Variants in HDAC9 observed in about 807,000 individuals in gnomAD.
HDAC9 encodes histone deacetylase 9.
Under a neutral mutation model 139.4 loss-of-function variants are expected in HDAC9, and 41 were observed. The observed-to-expected ratio is 0.29, with a 90% CI of 0.23 to 0.38. The LOEUF (loss-of-function observed/expected upper bound fraction) is 0.38. Ranked by LOEUF, HDAC9 falls within the 10% of genes least tolerant of loss-of-function variation. The pLI, the probability that HDAC9 is intolerant of heterozygous loss-of-function variation, is 1.00. For synonymous variants in HDAC9, 517 were observed against 476.2 expected (o/e 1.09, Z -1.12); for missense variants, 1,147 against 1,297.0 (o/e 0.88, Z 1.78).
chr7:18,452,432 T>G (rs1052981684), intron 1 of HDAC9, among the ~76,000 whole-genome samples: 3 of 152,156 alleles, frequency 2.0e-5, no homozygotes, highest in African/African-American at 7.2e-5. Context: ...ACCTGGAGTG[T>G]GGGCTTGATT....
chr7:18,397,048 A>T (rs1426709010), intron 1 of HDAC9, among the ~76,000 whole-genome samples: 1 of 151,796 alleles, frequency 6.6e-6, no homozygotes, highest in Non-Finnish European at 1.5e-5. Flanking sequence ...ATCATCGTCG[A>T]CTCCTATCTT....
In HDAC9 at chr7:18,566,561, A is replaced by G. The variant is rs1385151346; in HGVS notation, c.23-18720A>G. On this transcript the variant is annotated intron_variant, in intron 2 of 25. Coordinates refer to ENST00000686413, the MANE Select transcript of HDAC9 (RefSeq NM_178425.4). Reference sequence around the variant, plus strand: ...GTGGGGAGGGAATAGCTTTGGCAGTAGAGGAAGCCTTGGGAATCACTGTTT... The same window carrying G: ...GTGGGGAGGGAATAGCTTTGGCAGTGGAGGAAGCCTTGGGAATCACTGTTT... 2.0e-5 allele frequency among the ~76,000 whole-genome samples: 3 copies of G among 152,334 alleles called. No homozygotes were observed. The East Asian group carries it at 5.8e-4, about 29-fold the overall frequency.
intron 1 of HDAC9, among the ~76,000 whole-genome samples, chr7:18,332,501 C>G (rs1422826238): frequency 1.3e-5 from 2 of 151,216 alleles, no homozygotes; most frequent in African/African-American, 4.9e-5. Flanking sequence ...ATTAAAAATA[C>G]TTAAAATTGA....
At chr7:18,372,385 G>T (rs1051096630) in intron 1 of HDAC9, among the ~76,000 whole-genome samples, 1 of 152,192 alleles carries the variant, frequency 6.6e-6, no homozygotes, top group Non-Finnish European at 1.5e-5. Flanking sequence ...TCCAAACCAG[G>T]ACAGGCATGG....
intron 2 of HDAC9, among the ~76,000 whole-genome samples, chr7:18,568,821 G>A (rs1004145335): frequency 1.3e-5 from 2 of 152,248 alleles, no homozygotes. Flanking sequence ...GCCGAGGCGG[G>A]TGGATCACCT....
At chr7:18,429,335 CTTTT>C (rs892232763) in intron 1 of HDAC9, 3 of 152,150 alleles carry the variant, frequency 2.0e-5, no homozygotes, top group African/African-American at 7.2e-5. Context: ...CATGTTCTTT[CTTTT>C]ATCTTACCCT....
chr7:18,289,777 G>A (rs1562840039), upstream of HDAC9, among the ~76,000 whole-genome samples: 5 of 151,944 alleles, frequency 3.3e-5, 1 homozygote, highest in South Asian at 8.3e-4. Flanking sequence ...CATTAAAATC[G>A]GTCTCAGCCT....
chr7:18,588,987 C>G (rs1433736095), intron 3 of HDAC9, among the ~76,000 whole-genome samples: 1 of 152,090 alleles, frequency 6.6e-6, no homozygotes, highest in Non-Finnish European at 1.5e-5. Flanking sequence ...AGGGTTCAAA[C>G]TTAAAAACTA....
intron 2 of HDAC9, among the ~76,000 whole-genome samples, chr7:18,552,680 T>C (rs1409680995): frequency 6.6e-6 from 1 of 152,236 alleles, no homozygotes; most frequent in Non-Finnish European, 1.5e-5. Flanking sequence ...AGGTATGGCA[T>C]TCTTTGCCAC....
intron 1 of HDAC9, among the ~76,000 whole-genome samples, chr7:18,336,722 A>G (rs1217474905): frequency 2.0e-5 from 3 of 151,572 alleles, no homozygotes; most frequent in Non-Finnish European, 4.4e-5. Flanking sequence ...TATTGTCATG[A>G]TTTATTCCTT....
At chr7:18,633,634 A>G (rs978077834) in intron 7 of HDAC9, among the ~76,000 whole-genome samples, 1 of 152,054 alleles carries the variant, frequency 6.6e-6, no homozygotes, top group African/African-American at 2.4e-5. Flanking sequence ...CCTGTCTCTG[A>G]AAAGCATGAG....
At chr7:18,099,873 T>C (rs918065846) in intron 1 of HDAC9, among the ~76,000 whole-genome samples, 2 of 152,234 alleles carry the variant, frequency 1.3e-5, no homozygotes, top group African/African-American at 4.8e-5. Flanking sequence ...TTTAAAGATA[T>C]TTATGTAAAA....
chr7:18,509,241 T>C, intron 2 of HDAC9: 1 of 983,654 alleles, frequency 1.0e-6, no homozygotes, highest in South Asian at 4.7e-5. Flanking sequence ...ACAATTAGAA[T>C]AGAGCAGGAA....
intron 2 of HDAC9, among the ~76,000 whole-genome samples, chr7:18,227,406 T>G (rs1419562382): frequency 6.6e-6 from 1 of 152,234 alleles, no homozygotes; most frequent in Non-Finnish European, 1.5e-5. Context: ...AAGGAAAGTT[T>G]AAGTTCATTT....
At chr7:18,617,275 TTATGTACAAGGC>T (rs1838890192) in intron 6 of HDAC9, among the ~76,000 whole-genome samples, 1 of 152,140 alleles carries the variant, frequency 6.6e-6, no homozygotes, top group South Asian at 2.1e-4. Context: ...GCCTCTTCTG[TTATGTACAAGGC>T]TAAAGCTCCT....
intron 1 of HDAC9, among the ~76,000 whole-genome samples, chr7:18,340,639 A>G (rs1345936075): frequency 6.6e-6 from 1 of 151,618 alleles, no homozygotes; most frequent in Non-Finnish European, 1.5e-5. Flanking sequence ...AATTTTACCA[A>G]AAGTGTGTTT....
At chr7:18,618,617 ACTGT>A (rs1019477917) in intron 6 of HDAC9, among the ~76,000 whole-genome samples, 48 of 151,794 alleles carry the variant, frequency 3.2e-4, no homozygotes, top group African/African-American at 1.2e-3. Flanking sequence ...GCTCTTATGA[ACTGT>A]CTGAGTAGGA....
intron 6 of HDAC9, among the ~76,000 whole-genome samples, chr7:18,599,241 C>G (rs1232239537): frequency 6.6e-6 from 1 of 152,128 alleles, no homozygotes; most frequent in African/African-American, 2.4e-5. Flanking sequence ...TAGGTTTCTG[C>G]TTTTTAAATA....
intron 6 of HDAC9, among the ~76,000 whole-genome samples, chr7:18,609,815 GT>G: frequency 6.8e-6 from 1 of 146,046 alleles, no homozygotes; most frequent in South Asian, 2.2e-4. Flanking sequence ...GGTGTGTGAT[GT>G]TCCGTTTCCT....
Sources: gnomAD v4.1 joint callset for allele counts (sites outside exome capture counted in the v4.1 genomes callset) on GRCh38, gnomAD v4.1.1 for gene constraint, MANE v1.5 for transcripts, NCBI Gene and HGNC (gene_info 2026-07-23, HGNC 2026-07-21) for gene names.